AFF3: variants seen among roughly 807,000 people sequenced by gnomAD.
The protein encoded by AFF3 is ALF transcription elongation factor 3.
In AFF3, 32 loss-of-function variants were observed where a neutral mutation model predicts 129.7. The ratio of observed to expected loss-of-function variants is 0.25; its 90% CI spans 0.19 to 0.33. AFF3 has a LOEUF of 0.33. AFF3 is among the 10% of genes least tolerant of loss of function. AFF3 has a pLI of 1.00. For synonymous variants in AFF3, 644 were observed against 635.4 expected (o/e 1.01, Z -0.20); for missense variants, 1,373 against 1,592.0 (o/e 0.86, Z 2.34).
At chr2:100,132,978 G>A (rs932657062) in intron 1 of AFF3, among the ~76,000 whole-genome samples, 14 of 151,134 alleles carry the variant, frequency 9.3e-5, no homozygotes, top group Admixed American at 3.3e-4. Context: ...CTTGCAGGCT[G>A]GAGTGCAGAG....
At chr2:99,995,684 T>C (rs915946258) in intron 7 of AFF3, among the ~76,000 whole-genome samples, 2 of 152,204 alleles carry the variant, frequency 1.3e-5, no homozygotes, top group Admixed American at 1.3e-4. Flanking sequence ...TATAGTGTCC[T>C]ATGTTAGATT....
chr2:99,784,417 G>C (rs1337053094), intron 8 of AFF3, among the ~76,000 whole-genome samples: 3 of 152,186 alleles, frequency 2.0e-5, no homozygotes, highest in African/African-American at 7.2e-5. Flanking sequence ...TCTCGCAAAG[G>C]GAATGTGCTG....
Position 99,601,548 on chromosome 2 carries a change from C to CGCTGCTGCT in AFF3, c.1249_1257dup (p.Ser417_Ser419dup), listed in dbSNP as rs756251519. The stretch of plus-strand genomic sequence containing the variant: ...GAGTCGCTGGAGGAGCTGCTGCTGC[C>CGCTGCTGCT]GCTGCTGCTGCTGCTGCTGCTGCCC... On this transcript the variant is annotated inframe_insertion, in exon 14 of 25. Coordinates refer to ENST00000672756, the MANE Select transcript of AFF3 (RefSeq NM_001386135.1). The CGCTGCTGCT allele has an allele frequency of 2.8e-5, 45 of 1,598,766 alleles. No individual in the cohort carries two copies. The highest frequency in any genetic ancestry group is 6.9e-5 in the Admixed American group (4 of 57,746).
At chr2:99,854,407 C>T (rs1690374018) in intron 7 of AFF3, among the ~76,000 whole-genome samples, 1 of 152,324 alleles carries the variant, frequency 6.6e-6, no homozygotes, top group East Asian at 1.9e-4. Flanking sequence ...CTTATCTCTT[C>T]ACTGATTAGC....
At chr2:100,118,814 C>CTTT (rs5832899) in intron 2 of AFF3, among the ~76,000 whole-genome samples, 3 of 143,778 alleles carry the variant, frequency 2.1e-5, no homozygotes, top group South Asian at 4.5e-4. Context: ...AAAATTCTGA[C>CTTT]TTTTTTTTTT....
intron 12 of AFF3, among the ~76,000 whole-genome samples, chr2:99,659,444 G>A (rs1686035797): frequency 6.6e-6 from 1 of 152,190 alleles, no homozygotes; most frequent in African/African-American, 2.4e-5. Context: ...AGGAATGGAA[G>A]TTTAAATGTG....
At chr2:99,585,694 G>A (rs184368252) in intron 16 of AFF3, among the ~76,000 whole-genome samples, 27 of 152,234 alleles carry the variant, frequency 1.8e-4, no homozygotes, top group Non-Finnish European at 2.6e-4. Context: ...ACTTGAGACC[G>A]TGTCACCGGT....
At chr2:99,555,027 T>C (rs1674785530) in intron 22 of AFF3, among the ~76,000 whole-genome samples, 1 of 152,224 alleles carries the variant, frequency 6.6e-6, no homozygotes, top group South Asian at 2.1e-4. Context: ...GCAGACAGGA[T>C]ACTCAAAAGT....
chr2:99,824,185 G>A (rs568616483), intron 8 of AFF3, among the ~76,000 whole-genome samples: 3 of 151,454 alleles, frequency 2.0e-5, no homozygotes, highest in South Asian at 2.1e-4. Context: ...GTGCGATCTC[G>A]GCTCGCCGCA....
chr2:99,649,324 A>G (rs1305177466), intron 13 of AFF3, among the ~76,000 whole-genome samples: 1 of 152,244 alleles, frequency 6.6e-6, no homozygotes, highest in African/African-American at 2.4e-5. Context: ...AAATGAGCTT[A>G]GATCTCAGCC....
intron 4 of AFF3, among the ~76,000 whole-genome samples, chr2:100,055,338 C>G (rs1472085599): frequency 1.3e-5 from 2 of 151,918 alleles, no homozygotes; most frequent in Non-Finnish European, 1.5e-5. Context: ...TTGCACAGTA[C>G]ATCATTAACC....
At chr2:99,672,018 T>C (rs1687184436) in intron 12 of AFF3, among the ~76,000 whole-genome samples, 1 of 152,170 alleles carries the variant, frequency 6.6e-6, no homozygotes, top group African/African-American at 2.4e-5. Context: ...CTGAGCATAA[T>C]TACTTTTTAT....
intron 22 of AFF3, among the ~76,000 whole-genome samples, chr2:99,555,794 C>T (rs773926293): frequency 2.0e-4 from 31 of 152,162 alleles, no homozygotes; most frequent in Middle Eastern, 3.4e-3. Context: ...GGTTTTAGTG[C>T]GGGTGTTATT....
At chr2:100,047,533 A>G (rs1457221009) in intron 4 of AFF3, among the ~76,000 whole-genome samples, 1 of 152,242 alleles carries the variant, frequency 6.6e-6, no homozygotes, top group Non-Finnish European at 1.5e-5. Context: ...CAATCTGAAT[A>G]CAACTTGAAA....
In AFF3 at chr2:99,601,450, G is replaced by C. The variant is rs1330911542; in HGVS notation, c.1356C>G (p.His452Gln). The change falls in exon 14 of 25, where the codon CAC (histidine) becomes CAG (glutamine). Residue 452 changes from histidine (H) to glutamine (Q), a missense_variant. His to Gln is a conservative substitution (Grantham distance 24, BLOSUM62 0). This residue lies in a region of AFF3 where 413 missense variants were observed against 424.4 expected (regional missense o/e 0.97). Transcript: ENST00000672756. The stretch of plus-strand genomic sequence containing the variant: ...CAGCGCTTACCTCGGGGCTGGAGAA[G>C]TGGGGGGGCTTGCTGCCCTCACTCT... ...SSESEGSKPPHFSSPEAEPAS... is the reference protein window; with the variant it reads ...SSESEGSKPPQFSSPEAEPAS... 1 of 1,607,714 alleles carries C rather than the reference G, an allele frequency of 6.2e-7. No individual in the cohort carries two copies. The highest frequency in any genetic ancestry group is 8.5e-7 in the Non-Finnish European group (1 of 1,176,452).
At chr2:99,779,620 A>G (rs1023561370) in intron 8 of AFF3, among the ~76,000 whole-genome samples, 3 of 152,204 alleles carry the variant, frequency 2.0e-5, no homozygotes, top group Admixed American at 6.5e-5. Context: ...TAGTGACCCC[A>G]TCACCCGAAG....
intron 11 of AFF3, among the ~76,000 whole-genome samples, chr2:99,680,058 C>T (rs1362296157): frequency 6.6e-6 from 1 of 152,180 alleles, no homozygotes; most frequent in African/African-American, 2.4e-5. Flanking sequence ...TATGTAAGTG[C>T]CACACACGGT....
chr2:99,920,168 G>GT (rs1418561219), intron 7 of AFF3, among the ~76,000 whole-genome samples: 1 of 151,976 alleles, frequency 6.6e-6, no homozygotes, highest in Non-Finnish European at 1.5e-5. Flanking sequence ...ATCCCACACA[G>GT]TGTCTTAGAA....
At chr2:100,067,629 T>G (rs1404966688) in intron 4 of AFF3, among the ~76,000 whole-genome samples, 1 of 152,184 alleles carries the variant, frequency 6.6e-6, no homozygotes, top group African/African-American at 2.4e-5. Flanking sequence ...CAATTAATAA[T>G]GCACACTAGC....
Sources: allele counts gnomAD v4.1 joint callset (sites outside exome capture counted in the v4.1 genomes callset), GRCh38; gene constraint gnomAD v4.1.1; regional missense constraint gnomAD v4.1.1; transcripts MANE v1.5; gene names NCBI Gene and HGNC (gene_info 2026-07-23, HGNC 2026-07-21).